The following ATP2C2 variants were observed in gnomAD, a reference collection of about 807,000 sequenced individuals.
The protein encoded by ATP2C2 is calcium-transporting ATPase type 2C member 2.
ATP2C2 carries 171 observed loss-of-function variants against 110.8 expected under a neutral mutation model. The ratio of observed to expected loss-of-function variants is 1.54; its 90% CI spans 1.36 to 1.75. The LOEUF is 1.75. Ranked by LOEUF, ATP2C2 falls within the 40% of genes most tolerant of loss-of-function variation. The probability of loss-of-function intolerance (pLI) is 0.00; values close to 1 mark genes in which losing one functional copy is unlikely to be tolerated. For missense variants in ATP2C2, 1,963 were observed against 1,235.0 expected, an observed-to-expected ratio of 1.59 and a Z score of -8.84; for synonymous variants, 804 against 508.4, an observed-to-expected ratio of 1.58 and a Z score of -7.82.
rs572304366 is a variant in ATP2C2, at chr16:84,448,423, C to T, written c.1504-110C>T. 5.0e-5 allele frequency: 67 copies of T among 1,338,950 alleles called. No homozygotes were observed. The East Asian group carries it at 1.5e-3, about 29-fold the overall frequency. 82.9% of individuals were successfully genotyped at this position (1,338,950 alleles called of 1,614,324 possible). ...CACCAGCCTATGATAAATAACTCCG[C>T]TGCAAAGATCCCCGTGTGTGTCTTT... is the stretch of plus-strand genomic sequence containing the variant. On this transcript the variant is annotated intron_variant, in intron 16 of 26. Coordinates refer to ENST00000262429, the MANE Select transcript of ATP2C2 (RefSeq NM_014861.4).
chr16:84,460,925 C>A, intron 24 of ATP2C2, 124 bp downstream of exon 24: 1 of 1,328,622 alleles, frequency 7.5e-7, no homozygotes, highest in East Asian at 2.4e-5. Flanking sequence ...ACACACCGGA[C>A]AATGTGATGC....
chr16:84,376,539 T>TTG (rs1048478386), intron 1 of ATP2C2, among the ~76,000 whole-genome samples: 12 of 150,468 alleles, frequency 8.0e-5, no homozygotes, highest in African/African-American at 2.7e-4. Context: ...TTGGCAATTT[T>TTG]TTTTTTTTTT....
At chr16:84,413,349 GT>G (rs1906557336) in intron 6 of ATP2C2, among the ~76,000 whole-genome samples, 1 of 152,148 alleles carries the variant, frequency 6.6e-6, no homozygotes, top group Non-Finnish European at 1.5e-5. Flanking sequence ...TTCAAGGGGC[GT>G]GTGTGTATAA....
intron 11 of ATP2C2, among the ~76,000 whole-genome samples, chr16:84,430,415 C>T (rs538435273): frequency 1.5e-4 from 23 of 149,268 alleles, no homozygotes; most frequent in African/African-American, 5.2e-4. Flanking sequence ...CTGAGGCAGA[C>T]GGATCACTTG....
intron 10 of ATP2C2, among the ~76,000 whole-genome samples, chr16:84,424,609 G>C (rs1647995357): frequency 8.9e-6 from 1 of 112,154 alleles, no homozygotes; most frequent in African/African-American, 4.5e-5. Context: ...TAACATTTTG[G>C]GAACTGCTCT....
chr16:84,390,503 C>G (rs1409501534), intron 1 of ATP2C2, among the ~76,000 whole-genome samples: 1 of 152,210 alleles, frequency 6.6e-6, no homozygotes, highest in Non-Finnish European at 1.5e-5. Context: ...GGTCTATCTG[C>G]AGCAGGCAAA....
Position 84,459,356 on chromosome 16 carries a change from A to G in ATP2C2, c.2303A>G (p.Asn768Ser), listed in dbSNP as rs868157282. 3.1e-6 allele frequency: 5 copies of G among 1,614,054 alleles called. No homozygotes were observed. In the African/African-American group the frequency reaches 5.3e-5, roughly 17 times the overall value. Residue 768 changes from asparagine to serine, a missense_variant, in exon 23 of 27, where the codon AAC (asparagine) becomes AGC (serine). Transcript: ENST00000262429. ...PLNAMQILWI[N>S]IIMDGPPAQS... The stretch of plus-strand genomic sequence containing the variant: ...AACGCCATGCAGATCCTATGGATCA[A>G]CATCATCATGGATGGGCCACCGGCG...
At chr16:84,395,142 G>C (rs780594702) in intron 1 of ATP2C2, among the ~76,000 whole-genome samples, 1 of 152,116 alleles carries the variant, frequency 6.6e-6, no homozygotes, top group African/African-American at 2.4e-5. Context: ...CTTGGTTACA[G>C]AGCTGGGAGT....
At chr16:84,420,416 T>C (rs529916096) in intron 7 of ATP2C2, among the ~76,000 whole-genome samples, 26 of 151,386 alleles carry the variant, frequency 1.7e-4, no homozygotes, top group Admixed American at 1.6e-3. Flanking sequence ...CCTTCCTCCT[T>C]CTCTTCGTAG....
Position 84,402,486 on chromosome 16 carries a change from T to G in ATP2C2, c.211-2642T>G, listed in dbSNP as rs566944333. On this transcript the variant is annotated intron_variant, in intron 2 of 26. Transcript: ENST00000262429. ...CATTGAGACATGTTCCTTCTATACCTAGTTTTTTTAGGGTTTTTATTATGA... is the reference window on the plus strand; with the variant it reads ...CATTGAGACATGTTCCTTCTATACCGAGTTTTTTTAGGGTTTTTATTATGA... Among the ~76,000 whole-genome samples, 23 of 152,324 alleles carry G rather than the reference T, an allele frequency of 1.5e-4. No homozygotes were observed. The East Asian group carries it at 3.1e-3, about 20-fold the overall frequency.
intron 23 of ATP2C2, chr16:84,459,722 C>T: frequency 6.6e-6 from 5 of 753,924 alleles, no homozygotes; most frequent in East Asian, 5.5e-5. Context: ...CACTCCCACT[C>T]AATCCCCTCA....
At chr16:84,404,738 T>A in intron 2 of ATP2C2, 1 of 355,214 alleles carries the variant, frequency 2.8e-6, no homozygotes, top group Admixed American at 3.9e-5. Context: ...ATCTGGTAGC[T>A]CCCTTTTTAA....
At chr16:84,388,168 T>C (rs1378653401) in intron 1 of ATP2C2, among the ~76,000 whole-genome samples, 1 of 151,860 alleles carries the variant, frequency 6.6e-6, no homozygotes, top group Non-Finnish European at 1.5e-5. Flanking sequence ...CTACTAAAAA[T>C]ACAAAAATTA....
chr16:84,450,445 C>T (rs888892070), intron 17 of ATP2C2, among the ~76,000 whole-genome samples: 2 of 152,024 alleles, frequency 1.3e-5, no homozygotes. Context: ...AAAAACCCCA[C>T]GGAGAGGGAA....
chr16:84,410,908 C>G (rs191758231), intron 6 of ATP2C2, 143 bp downstream of exon 6: 141 of 770,650 alleles, frequency 1.8e-4, no homozygotes, highest in Admixed American at 1.4e-3. Flanking sequence ...AAGGCCTGGT[C>G]TCCGCCTGCC....
At chr16:84,391,072 C>G (rs527933459) in intron 1 of ATP2C2, among the ~76,000 whole-genome samples, 93 of 137,274 alleles carry the variant, frequency 6.8e-4, no homozygotes, top group Middle Eastern at 4.0e-3. Context: ...CGAGATCACA[C>G]TGCTGCACTC....
At chr16:84,411,596 T>C (rs1280410177) in intron 6 of ATP2C2, among the ~76,000 whole-genome samples, 1 of 152,184 alleles carries the variant, frequency 6.6e-6, no homozygotes, top group Non-Finnish European at 1.5e-5. Flanking sequence ...CATGCACCAC[T>C]ACACCTGGCT....
At chr16:84,422,322 T>G in intron 7 of ATP2C2, 68 bp from the exon 8 acceptor site, 2 of 1,536,232 alleles carry the variant, frequency 1.3e-6, no homozygotes, top group Non-Finnish European at 1.8e-6. Flanking sequence ...TGGTACCATT[T>G]TGTGCTTTTA....
At chr16:84,393,757 G>A (rs1904802128) in intron 1 of ATP2C2, among the ~76,000 whole-genome samples, 1 of 151,812 alleles carries the variant, frequency 6.6e-6, no homozygotes, top group Non-Finnish European at 1.5e-5. Flanking sequence ...GGGGAGTGGG[G>A]GTGGAGGGGG....
Sources: gnomAD v4.1 joint callset for allele counts (sites outside exome capture counted in the v4.1 genomes callset) on GRCh38, gnomAD v4.1.1 for gene constraint, MANE v1.5 for transcripts, NCBI Gene and HGNC (gene_info 2026-07-23, HGNC 2026-07-21) for gene names.